The following SYNPO2 variants were observed in gnomAD, a reference collection of about 807,000 sequenced individuals.
SYNPO2 encodes the protein synaptopodin-2.
SYNPO2 carries 56 observed loss-of-function variants against 85.0 expected under a neutral mutation model. The ratio of observed to expected loss-of-function variants is 0.66; its 90% CI spans 0.53 to 0.82. SYNPO2 has a LOEUF of 0.82. SYNPO2 is among the 40% of genes least tolerant of loss of function. The pLI, the probability that SYNPO2 is intolerant of heterozygous loss-of-function variation, is 0.00. For missense variants in SYNPO2, 1,575 were observed against 1,534.2 expected (o/e 1.03, Z -0.44); for synonymous variants, 602 against 591.1 (o/e 1.02, Z -0.27).
At chr4:118,856,896 C>T (rs1439798750) in intron 1 of SYNPO2, among the ~76,000 whole-genome samples, 7 of 152,044 alleles carry the variant, frequency 4.6e-5, no homozygotes, top group Admixed American at 3.3e-4. Flanking sequence ...AAATAATGGA[C>T]GTTCTCTCTT....
chr4:118,858,578 G>A (rs970896409), intron 1 of SYNPO2, among the ~76,000 whole-genome samples: 4 of 152,102 alleles, frequency 2.6e-5, no homozygotes, highest in African/African-American at 9.7e-5. Context: ...GTAAATCAGA[G>A]CCAGTGTGAG....
chr4:118,872,649 G>A (rs1560809295), intron 1 of SYNPO2, among the ~76,000 whole-genome samples: 3 of 152,052 alleles, frequency 2.0e-5, no homozygotes, highest in Non-Finnish European at 4.4e-5. Flanking sequence ...GCTTTCTGAG[G>A]ACACCCTACT....
chr4:118,878,936 G>A lies in SYNPO2; in HGVS notation c.12+27996G>A, dbSNP rs144798978. Reference sequence around the variant, plus strand: ...TAAATCCTACTGCTGTTCAGTTTTTGGGTCCGCACTACCTCTAAGAGCTGT... The same window carrying A: ...TAAATCCTACTGCTGTTCAGTTTTTAGGTCCGCACTACCTCTAAGAGCTGT... On this transcript the variant is annotated intron_variant, in intron 1 of 4. Transcript: ENST00000610556. 7.9e-3 allele frequency among the ~76,000 whole-genome samples: 1,206 copies of A among 152,240 alleles called. 13 individuals are homozygous for A. Among genetic ancestry groups the A allele is most frequent in the African/African-American group, 0.028 (1,151 of 41,524 alleles).
intron 1 of SYNPO2, among the ~76,000 whole-genome samples, chr4:118,873,795 T>C (rs527447751): frequency 1.2e-3 from 182 of 152,300 alleles, no homozygotes; most frequent in Non-Finnish European, 1.5e-3. Flanking sequence ...AGAGTTTTTT[T>C]CTAGGTTTTC....
At chr4:119,036,495 A>C in intron 4 of SYNPO2, 1 of 985,414 alleles carries the variant, frequency 1.0e-6, no homozygotes, top group Non-Finnish European at 1.2e-6. Context: ...TCTTCTCTAG[A>C]TGTCCTACCA....
intron 1 of SYNPO2, among the ~76,000 whole-genome samples, chr4:118,876,101 G>A (rs980535556): frequency 1.3e-5 from 2 of 152,194 alleles, no homozygotes; most frequent in African/African-American, 4.8e-5. Context: ...ATGAACATGT[G>A]AGCACATGCT....
chr4:118,961,833 A>G (rs1403026564), intron 1 of SYNPO2, among the ~76,000 whole-genome samples: 3 of 152,200 alleles, frequency 2.0e-5, no homozygotes, highest in South Asian at 2.1e-4. Flanking sequence ...GAGTGATGCA[A>G]TGTATCACCA....
intron 1 of SYNPO2, among the ~76,000 whole-genome samples, chr4:118,910,649 C>CT: frequency 6.6e-6 from 1 of 152,052 alleles, no homozygotes; most frequent in Non-Finnish European, 1.5e-5. Context: ...CACCAACTAC[C>CT]TTCACATTTC....
chr4:119,051,789 C>A (rs1016464695), intron 4 of SYNPO2, among the ~76,000 whole-genome samples: 2 of 152,132 alleles, frequency 1.3e-5, no homozygotes, highest in Non-Finnish European at 2.9e-5. Flanking sequence ...CCCCCAGATA[C>A]AACAGATGCT....
intron 1 of SYNPO2, among the ~76,000 whole-genome samples, chr4:118,993,649 T>C (rs1418702300): frequency 6.6e-6 from 1 of 152,132 alleles, no homozygotes; most frequent in East Asian, 1.9e-4. Context: ...ATGATGGAGG[T>C]TTTCCCCCTA....
At chr4:118,898,577 AT>A (rs574340399) in intron 1 of SYNPO2, among the ~76,000 whole-genome samples, 15 of 152,158 alleles carry the variant, frequency 9.9e-5, no homozygotes, top group African/African-American at 2.4e-4. Flanking sequence ...TCCTACAATC[AT>A]TTTTTTTAAC....
At chr4:118,897,670 C>T (rs1242651517) in intron 1 of SYNPO2, among the ~76,000 whole-genome samples, 2 of 152,102 alleles carry the variant, frequency 1.3e-5, no homozygotes, top group East Asian at 1.9e-4. Context: ...CTGAGGTTAC[C>T]CTTAGTTAAG....
At chr4:119,047,786 C>G (rs1738916373) in intron 4 of SYNPO2, among the ~76,000 whole-genome samples, 1 of 152,124 alleles carries the variant, frequency 6.6e-6, no homozygotes, top group Admixed American at 6.5e-5. Flanking sequence ...TTTCTACTGT[C>G]AAGAAAATTT....
chr4:118,933,024 G>T (rs944465080), intron 1 of SYNPO2, among the ~76,000 whole-genome samples: 6 of 152,018 alleles, frequency 3.9e-5, no homozygotes, highest in Non-Finnish European at 8.8e-5. Context: ...TAAGAAAAAG[G>T]CCATAAAAAT....
chr4:118,907,918 A>G (rs192841946), intron 1 of SYNPO2, among the ~76,000 whole-genome samples: 17 of 152,246 alleles, frequency 1.1e-4, no homozygotes, highest in Admixed American at 1.1e-3. Context: ...TTATTAAATG[A>G]CACATCATGG....
intron 1 of SYNPO2, among the ~76,000 whole-genome samples, chr4:118,939,050 A>C (rs114207128): frequency 6.6e-6 from 1 of 152,156 alleles, no homozygotes; most frequent in African/African-American, 2.4e-5. Context: ...ACAGATTTTC[A>C]CTGTCAGACA....
chr4:118,988,852 A>G (rs1736313277), intron 1 of SYNPO2, among the ~76,000 whole-genome samples: 1 of 152,148 alleles, frequency 6.6e-6, no homozygotes, highest in African/African-American at 2.4e-5. Flanking sequence ...ACCTTCCCCC[A>G]CCCCAAAGTC....
chr4:119,018,879 A>T (rs1232352876), intron 1 of SYNPO2, among the ~76,000 whole-genome samples: 1 of 152,202 alleles, frequency 6.6e-6, no homozygotes, highest in Non-Finnish European at 1.5e-5. Flanking sequence ...TGGTTTGATC[A>T]TTAGCTTGTA....
At chr4:118,940,763 A>T (rs1250959057) in intron 1 of SYNPO2, among the ~76,000 whole-genome samples, 3 of 152,208 alleles carry the variant, frequency 2.0e-5, no homozygotes, top group Non-Finnish European at 4.4e-5. Flanking sequence ...GGACACTGAC[A>T]GAGTGAGGCT....
Sources: allele counts gnomAD v4.1 joint callset (sites outside exome capture counted in the v4.1 genomes callset), GRCh38; gene constraint gnomAD v4.1.1; transcripts MANE v1.5; gene names NCBI Gene and HGNC (gene_info 2026-07-23, HGNC 2026-07-21).